Variants in SPTLC3 observed in about 807,000 individuals in gnomAD.
SPTLC3 encodes the protein serine palmitoyltransferase 3.
In SPTLC3, 36 loss-of-function variants were observed where a neutral mutation model predicts 59.3. That is an observed-to-expected ratio of 0.61 (90% CI 0.47 to 0.80). The LOEUF (loss-of-function observed/expected upper bound fraction) is 0.80, where lower values mean the gene tolerates loss of function less well. SPTLC3 is among the 30% of genes least tolerant of loss of function. SPTLC3 has a pLI of 0.00. For missense variants in SPTLC3, 625 were observed against 685.1 expected, an observed-to-expected ratio of 0.91 and a Z score of 0.98; for synonymous variants, 257 against 240.8, an observed-to-expected ratio of 1.07 and a Z score of -0.62.
At chr20:13,163,908 T>C (rs763150186) in intron 11 of SPTLC3, among the ~76,000 whole-genome samples, 1 of 152,322 alleles carries the variant, frequency 6.6e-6, no homozygotes, top group Non-Finnish European at 1.5e-5. Flanking sequence ...TTTTTTTTAT[T>C]TTATTATTAA....
intron 2 of SPTLC3, among the ~76,000 whole-genome samples, chr20:13,052,251 C>T (rs192436706): frequency 3.0e-4 from 46 of 152,272 alleles, no homozygotes; most frequent in Admixed American, 1.6e-3. Flanking sequence ...GGCACTGCCT[C>T]ACCTGGGAAG....
At chr20:13,037,541 G>A (rs1298185080) in intron 1 of SPTLC3, among the ~76,000 whole-genome samples, 1 of 152,138 alleles carries the variant, frequency 6.6e-6, no homozygotes, top group African/African-American at 2.4e-5. Context: ...CATTTCTTCT[G>A]TAGTAATGAC....
At chr20:13,019,261 A>C (rs530653923) in intron 1 of SPTLC3, among the ~76,000 whole-genome samples, 1 of 152,286 alleles carries the variant, frequency 6.6e-6, no homozygotes, top group Non-Finnish European at 1.5e-5. Context: ...TGAGGAAAGG[A>C]GGTCTCATGA....
At chr20:13,060,788 C>T (rs1987941840) in intron 2 of SPTLC3, among the ~76,000 whole-genome samples, 2 of 151,248 alleles carry the variant, frequency 1.3e-5, no homozygotes, top group Non-Finnish European at 2.9e-5. Flanking sequence ...TAATTTTATT[C>T]TTTTTTGTGG....
intron 9 of SPTLC3, among the ~76,000 whole-genome samples, chr20:13,150,231 C>A (rs941149165): frequency 1.3e-5 from 2 of 152,136 alleles, no homozygotes; most frequent in African/African-American, 4.8e-5. Flanking sequence ...TTAAGTAAGG[C>A]AAATATTCTC....
chr20:13,133,665 C>T (rs779973595), intron 9 of SPTLC3, among the ~76,000 whole-genome samples: 2 of 152,046 alleles, frequency 1.3e-5, no homozygotes, highest in African/African-American at 2.4e-5. Flanking sequence ...GCCCAGGAGG[C>T]GGAGGCTGCA....
At chr20:13,015,179 C>A (rs1267057098) in intron 1 of SPTLC3, among the ~76,000 whole-genome samples, 1 of 151,992 alleles carries the variant, frequency 6.6e-6, no homozygotes, top group South Asian at 2.1e-4. Flanking sequence ...AGAGCTTACC[C>A]ACTGTGTTTG....
chr20:13,111,264 C>T (rs1237577813), intron 7 of SPTLC3, among the ~76,000 whole-genome samples: 1 of 152,138 alleles, frequency 6.6e-6, no homozygotes, highest in Non-Finnish European at 1.5e-5. Context: ...CCTACCATTA[C>T]CTCCTCCAGC....
chr20:13,090,175 G>A (rs1203221087), intron 4 of SPTLC3, among the ~76,000 whole-genome samples: 1 of 152,158 alleles, frequency 6.6e-6, no homozygotes, highest in Non-Finnish European at 1.5e-5. Flanking sequence ...TTTAAGAAGG[G>A]ATCAAAGGGC....
chr20:13,030,686 G>T (rs117573934), intron 1 of SPTLC3, among the ~76,000 whole-genome samples: 2,314 of 152,122 alleles, frequency 0.015, 26 homozygotes, highest in Middle Eastern at 0.027. Context: ...GTGGATGGAG[G>T]TCCTCCTCCT....
intron 2 of SPTLC3, among the ~76,000 whole-genome samples, chr20:13,053,496 CA>C (rs1987587478): frequency 6.6e-6 from 1 of 152,074 alleles, no homozygotes; most frequent in Non-Finnish European, 1.5e-5. Context: ...CAAAGGATCA[CA>C]ACTCCTCGCC....
chr20:13,023,561 A>C (rs1423698975), intron 1 of SPTLC3, among the ~76,000 whole-genome samples: 1 of 152,232 alleles, frequency 6.6e-6, no homozygotes, highest in African/African-American at 2.4e-5. Context: ...AGACTAAGAA[A>C]GCTCTGCTCA....
At chr20:13,122,898 C>T (rs992765073) in intron 8 of SPTLC3, among the ~76,000 whole-genome samples, 3 of 152,130 alleles carry the variant, frequency 2.0e-5, no homozygotes, top group African/African-American at 7.2e-5. Flanking sequence ...TCTACCAATG[C>T]GTAGTCACAC....
chr20:13,034,643 C>T (rs6041780), intron 1 of SPTLC3, among the ~76,000 whole-genome samples: 21,397 of 152,004 alleles, frequency 0.14, 2,271 homozygotes, highest in African/African-American at 0.3. Context: ...AACACACAGA[C>T]ATAGGAAGTA....
intron 1 of SPTLC3, among the ~76,000 whole-genome samples, chr20:13,022,990 T>C (rs6078891): frequency 0.21 from 31,196 of 152,050 alleles, 3,743 homozygotes; most frequent in South Asian, 0.39. Flanking sequence ...CCCCAGATGC[T>C]GCACAGCCTC....
chr20:13,132,591 A>G (rs1319692632), intron 9 of SPTLC3, among the ~76,000 whole-genome samples: 1 of 152,114 alleles, frequency 6.6e-6, no homozygotes, highest in Non-Finnish European at 1.5e-5. Flanking sequence ...TGCCTATTTT[A>G]TTTATTACAC....
chr20:13,071,876 G>A (rs1053252899), intron 2 of SPTLC3, among the ~76,000 whole-genome samples: 2 of 152,118 alleles, frequency 1.3e-5, no homozygotes, highest in South Asian at 2.1e-4. Flanking sequence ...CTAATCACAC[G>A]GTGAGTGATA....
rs776709875 is a variant in SPTLC3 at position 13,153,977 on chromosome 20, T to C, written c.1280-26T>C. 9 of 1,610,828 alleles carry C rather than the reference T, an allele frequency of 5.6e-6. No individual in the cohort carries two copies. The Admixed American group carries it at 1.3e-4, about 24-fold the overall frequency. Reference sequence around the variant, plus strand: ...CTTCCCTCTTTCTAGTGGGAATTGATGGATTTCACGCCTGTCTCTTTTCAG... The same window carrying C: ...CTTCCCTCTTTCTAGTGGGAATTGACGGATTTCACGCCTGTCTCTTTTCAG... On this transcript the variant is annotated intron_variant, in intron 9 of 11. Coordinates refer to ENST00000399002, the MANE Select transcript of SPTLC3 (RefSeq NM_018327.4).
intron 1 of SPTLC3, among the ~76,000 whole-genome samples, chr20:13,024,445 A>T (rs186305779): frequency 3.3e-4 from 51 of 152,312 alleles, no homozygotes; most frequent in African/African-American, 1.2e-3. Context: ...TCTCAAACGA[A>T]GTTGTAGAAT....
Sources: gnomAD v4.1 joint callset for allele counts (sites outside exome capture counted in the v4.1 genomes callset) on GRCh38, gnomAD v4.1.1 for gene constraint, MANE v1.5 for transcripts, NCBI Gene and HGNC (gene_info 2026-07-23, HGNC 2026-07-21) for gene names.